Variants in MYLK observed in about 807,000 individuals in gnomAD.
MYLK encodes myosin light chain kinase.
A neutral mutation model predicts 203.4 loss-of-function variants in MYLK; 106 were observed. The ratio of observed to expected loss-of-function variants is 0.52; its 90% CI spans 0.45 to 0.61. The LOEUF is 0.61. Ranked by LOEUF, MYLK falls within the 20% of genes least tolerant of loss-of-function variation. The probability of loss-of-function intolerance (pLI) is 0.00; values close to 1 mark genes in which losing one functional copy is unlikely to be tolerated. For missense variants in MYLK, 2,072 were observed against 2,442.3 expected (o/e 0.85, Z 3.20); for synonymous variants, 867 against 959.5 (o/e 0.90, Z 1.78).
At position 123,803,480 on chromosome 3, in the gene MYLK, T is replaced by G. The variant is rs527653782; in HGVS notation, c.-3-9636A>C. Among the ~76,000 whole-genome samples, 3 of 152,264 alleles carry G rather than the reference T, an allele frequency of 2.0e-5. No homozygotes were observed. The South Asian group carries it at 6.2e-4, about 32-fold the overall frequency. ...TGCCACCCAAACCAGCTGTGTGATC[T>G]CAGGAAAGCCACCTTCCTTCTCTGG... On this transcript the variant is annotated intron_variant, in intron 3 of 33. Coordinates refer to ENST00000360304, the MANE Select transcript of MYLK (RefSeq NM_053025.4).
chr3:123,852,760 G>A (rs2030958171), intron 2 of MYLK, among the ~76,000 whole-genome samples: 1 of 152,142 alleles, frequency 6.6e-6, no homozygotes. Context: ...AATTTCGAAA[G>A]TGTCATTTAG....
At chr3:123,714,219 G>A (rs2077326) in intron 13 of MYLK, among the ~76,000 whole-genome samples, 7,672 of 152,240 alleles carry the variant, frequency 0.05, 617 homozygotes, top group African/African-American at 0.17. Flanking sequence ...AAAGAAGCTC[G>A]CCTGTCCTAA....
At chr3:123,752,648 G>T in intron 4 of MYLK, 110 bp from the exon 5 acceptor site, 1 of 1,055,326 alleles carries the variant, frequency 9.5e-7, no homozygotes, top group Non-Finnish European at 1.4e-6. Flanking sequence ...TCCTCATAAC[G>T]CCCCCATTTC....
intron 5 of MYLK, among the ~76,000 whole-genome samples, chr3:123,749,739 T>G (rs372688062): frequency 2.6e-5 from 4 of 152,220 alleles, no homozygotes; most frequent in South Asian, 2.1e-4. Flanking sequence ...GGGGCAGCCA[T>G]GAACTCCAAG....
intron 4 of MYLK, among the ~76,000 whole-genome samples, chr3:123,764,739 G>A (rs1229426263): frequency 6.6e-6 from 1 of 152,204 alleles, no homozygotes; most frequent in East Asian, 1.9e-4. Flanking sequence ...ATGGACTACA[G>A]CGGGGAACCG....
intron 31 of MYLK, chr3:123,624,013 A>C (rs1019611672): frequency 5.3e-5 from 8 of 152,184 alleles, no homozygotes; most frequent in African/African-American, 1.9e-4. Context: ...ATGGCTAATA[A>C]TGCCGTAAAC....
chr3:123,737,115 A>G lies in MYLK; in HGVS notation c.754+263T>C. The G allele has an allele frequency of 2.3e-5, 11 of 472,730 alleles. No homozygotes were observed. In the South Asian group the frequency reaches 2.4e-4, roughly 10 times the overall value. 29.3% of individuals were successfully genotyped at this position (472,730 alleles called of 1,614,324 possible). A position where few individuals can be genotyped will look rare whatever the true frequency, so the allele number is the denominator to read the frequency against. ...GTGCCTGTAGTCCCAGCCACTCAGG[A>G]GGCTGAGGCAGGAGAATCGCTTGAA... On this transcript the variant is annotated intron_variant, in intron 8 of 33. Transcript: ENST00000360304.
At chr3:123,634,032 C>T (rs928728520) in intron 29 of MYLK, among the ~76,000 whole-genome samples, 1 of 152,086 alleles carries the variant, frequency 6.6e-6, no homozygotes, top group Non-Finnish European at 1.5e-5. Context: ...GTACCAGTGG[C>T]CAGCTAAGGG....
At chr3:123,791,419 C>T (rs183636134) in intron 4 of MYLK, among the ~76,000 whole-genome samples, 2 of 152,300 alleles carry the variant, frequency 1.3e-5, no homozygotes, top group African/African-American at 4.8e-5. Context: ...GTGATGTGGC[C>T]CTTCCCTGAT....
At chr3:123,745,329 T>C (rs2062982981) in intron 5 of MYLK, among the ~76,000 whole-genome samples, 1 of 152,122 alleles carries the variant, frequency 6.6e-6, no homozygotes, top group Non-Finnish European at 1.5e-5. Flanking sequence ...AAGTGCCCCC[T>C]AGAGGGTGGT....
At chr3:123,814,940 C>G (rs926914949) in intron 3 of MYLK, among the ~76,000 whole-genome samples, 3 of 152,024 alleles carry the variant, frequency 2.0e-5, no homozygotes, top group African/African-American at 7.2e-5. Flanking sequence ...CTACAGGCAC[C>G]TGACACCATG....
At chr3:123,820,664 C>T (rs148359766) in intron 3 of MYLK, among the ~76,000 whole-genome samples, 154 of 72,180 alleles carry the variant, frequency 2.1e-3, no homozygotes, top group Admixed American at 3.8e-3. Flanking sequence ...CCTTCCTTCC[C>T]TCCTTCCTTC....
At chr3:123,689,217 T>C (rs2060571836) in intron 19 of MYLK, among the ~76,000 whole-genome samples, 1 of 152,102 alleles carries the variant, frequency 6.6e-6, no homozygotes, top group South Asian at 2.1e-4. Flanking sequence ...GAGTTGAGAA[T>C]GACTGGATGA....
At chr3:123,638,251 C>G (rs145892968) in intron 28 of MYLK, 57 bp from the exon 29 acceptor site, 45,609 of 1,610,752 alleles carry the variant, frequency 0.028, 787 homozygotes, top group Non-Finnish European at 0.033. Context: ...CAGCTTGAGA[C>G]CAGCAGCTGC....
intron 23 of MYLK, among the ~76,000 whole-genome samples, chr3:123,657,758 C>T (rs1246196742): frequency 1.3e-5 from 2 of 152,176 alleles, no homozygotes; most frequent in African/African-American, 4.8e-5. Context: ...GGAAGCTGCC[C>T]AGAAGGCGTG....
intron 4 of MYLK, among the ~76,000 whole-genome samples, chr3:123,772,936 TA>T (rs1355101245): frequency 6.6e-6 from 1 of 152,010 alleles, no homozygotes; most frequent in Non-Finnish European, 1.5e-5. Context: ...AAAATTGGCA[TA>T]GTAATGTTGA....
rs2061186537 is a variant in MYLK at position 123,701,021 on chromosome 3, G to A, written c.2463-16C>T. 6.2e-7 allele frequency: 1 copy of A among 1,600,510 alleles called. No homozygotes were observed. Among genetic ancestry groups the A allele is most frequent in the East Asian group, 2.2e-5 (1 of 44,842 alleles). Reference sequence around the variant, plus strand: ...CTCCCTCCCCCTGCAACCAGTGTAGGGAAAAAGGAAAGTAGCAGGAGGAAA... The same window carrying A: ...CTCCCTCCCCCTGCAACCAGTGTAGAGAAAAAGGAAAGTAGCAGGAGGAAA... On this transcript the variant is annotated splice_polypyrimidine_tract_variant and intron_variant, in intron 17 of 33. Coordinates refer to ENST00000360304, the MANE Select transcript of MYLK (RefSeq NM_053025.4).
At chr3:123,717,890 C>G (rs1456631362) in intron 13 of MYLK, among the ~76,000 whole-genome samples, 2 of 124,898 alleles carry the variant, frequency 1.6e-5, no homozygotes, top group African/African-American at 3.2e-5. Flanking sequence ...GGGTCTTGCT[C>G]TGTCATCCAG....
At chr3:123,699,835 C>T (rs1183884739) in intron 18 of MYLK, among the ~76,000 whole-genome samples, 185 bp downstream of exon 18, 1 of 152,218 alleles carries the variant, frequency 6.6e-6, no homozygotes, top group South Asian at 2.1e-4. Context: ...TGAGCCGGGA[C>T]CTATCCTTGA....
Sources: allele counts gnomAD v4.1 joint callset (sites outside exome capture counted in the v4.1 genomes callset), GRCh38; gene constraint gnomAD v4.1.1; transcripts MANE v1.5; gene names NCBI Gene and HGNC (gene_info 2026-07-23, HGNC 2026-07-21).